The following METAP1 variants were observed in gnomAD, a reference collection of about 807,000 sequenced individuals.
The protein encoded by METAP1 is methionyl aminopeptidase 1, also known as methionine aminopeptidase 1.
In METAP1, 28 loss-of-function variants were observed where a neutral mutation model predicts 53.8. That is an observed-to-expected ratio of 0.52 (90% confidence interval 0.39 to 0.71). The LOEUF is 0.71. Ranked by LOEUF, METAP1 falls within the 30% of genes least tolerant of loss-of-function variation. The pLI is 0.00. For synonymous variants in METAP1, 181 were observed against 165.7 expected (o/e 1.09, Z -0.71); for missense variants, 389 against 479.8 (o/e 0.81, Z 1.77).
At chr4:99,020,114 C>G (rs1018702938) in intron 1 of METAP1, among the ~76,000 whole-genome samples, 1 of 152,108 alleles carries the variant, frequency 6.6e-6, no homozygotes, top group Non-Finnish European at 1.5e-5. Flanking sequence ...GTTCCCAGGC[C>G]CCCATAGCAG....
chr4:99,057,332 A>G (rs1048644790), intron 9 of METAP1, among the ~76,000 whole-genome samples: 3 of 152,370 alleles, frequency 2.0e-5, no homozygotes, highest in East Asian at 1.9e-4. Flanking sequence ...AATTTCTGGC[A>G]TAATCTGAAA....
At chr4:99,005,837 G>C (rs770200947) in intron 1 of METAP1, 1 of 416,644 alleles carries the variant, frequency 2.4e-6, no homozygotes, top group African/African-American at 2.1e-5. Flanking sequence ...CAAGTACCAG[G>C]TCGTCTCGCT....
At chr4:99,039,224 T>A (rs959795223) in intron 4 of METAP1, 150 bp from the exon 5 acceptor site, 73 of 459,798 alleles carry the variant, frequency 1.6e-4, no homozygotes, top group Middle Eastern at 5.5e-4. Context: ...TGTTTTTTTT[T>A]AAAAATCTAA....
intron 1 of METAP1, among the ~76,000 whole-genome samples, chr4:99,000,655 C>CTGT (rs1349388484): frequency 2.6e-4 from 29 of 112,686 alleles, no homozygotes; most frequent in African/African-American, 8.7e-4. Flanking sequence ...GGAAGAAAGT[C>CTGT]TTTTTTTTTT....
At chr4:99,011,814 C>T (rs941207137) in intron 1 of METAP1, among the ~76,000 whole-genome samples, 4 of 152,122 alleles carry the variant, frequency 2.6e-5, no homozygotes, top group Non-Finnish European at 5.9e-5. Context: ...GTGGCATATG[C>T]CTGTAATCCC....
Position 99,041,103 on chromosome 4 carries a change from G to A in METAP1, c.493G>A (p.Glu165Lys), listed in dbSNP as rs771649950. Residue 165 changes from glutamate (E) to lysine (K), a missense_variant, in exon 6 of 11, where the codon GAA becomes AAA. Glu to Lys is a moderately conservative substitution (Grantham distance 56). Transcript: ENST00000296411. ...GMIKPGVTTEEIDHAVHLACI... is the reference protein window; with the variant it reads ...GMIKPGVTTEKIDHAVHLACI... Reference sequence around the variant, plus strand: ...GATTAAACCAGGTGTAACTACTGAAGAAATAGATCACGCTGTACACTTAGT... The same window carrying A: ...GATTAAACCAGGTGTAACTACTGAAAAAATAGATCACGCTGTACACTTAGT... 1 of 1,607,368 alleles carries A rather than the reference G, an allele frequency of 6.2e-7. No individual in the cohort carries two copies. The highest frequency in any genetic ancestry group is 1.1e-5 in the South Asian group (1 of 90,124).
intron 9 of METAP1, 84 bp from the exon 10 acceptor site, chr4:99,057,669 T>C (rs1727250797): frequency 1.0e-6 from 1 of 959,802 alleles, no homozygotes; most frequent in Admixed American, 2.6e-5. Flanking sequence ...GATGGGAATT[T>C]GAGTTATGTA....
chr4:99,045,777 A>G (rs2110386079), intron 8 of METAP1, among the ~76,000 whole-genome samples: 1 of 152,310 alleles, frequency 6.6e-6, no homozygotes, highest in Middle Eastern at 3.4e-3. Context: ...CCTGTGCATT[A>G]ATGCACACAC....
At chr4:99,013,381 A>G (rs1033528173) in intron 1 of METAP1, among the ~76,000 whole-genome samples, 2 of 152,214 alleles carry the variant, frequency 1.3e-5, no homozygotes, top group Non-Finnish European at 2.9e-5. Flanking sequence ...CTAAACAGAA[A>G]AATATTGCCT....
At chr4:99,044,534 G>A (rs546527128) in intron 7 of METAP1, among the ~76,000 whole-genome samples, 3 of 152,262 alleles carry the variant, frequency 2.0e-5, no homozygotes, top group Non-Finnish European at 4.4e-5. Context: ...AGGAATGTAT[G>A]TGTTGTGCTA....
chr4:99,057,982 G>A (rs1182349510), intron 10 of METAP1, among the ~76,000 whole-genome samples, 164 bp downstream of exon 10: 1 of 152,104 alleles, frequency 6.6e-6, no homozygotes, highest in Non-Finnish European at 1.5e-5. Context: ...AAATTGTGAG[G>A]GTTGGCAAGA....
chr4:99,008,830 T>TA (rs1341050050), intron 1 of METAP1, among the ~76,000 whole-genome samples: 1 of 152,228 alleles, frequency 6.6e-6, no homozygotes, highest in East Asian at 1.9e-4. Context: ...TTGCTCTGCA[T>TA]TATATACACC....
chr4:99,044,428 A>G (rs1467364657), intron 7 of METAP1, among the ~76,000 whole-genome samples: 4 of 152,172 alleles, frequency 2.6e-5, no homozygotes, highest in Non-Finnish European at 5.9e-5. Flanking sequence ...TAGTTAGGGT[A>G]TCTGTTCATA....
intron 1 of METAP1, among the ~76,000 whole-genome samples, chr4:99,005,433 A>G (rs1267118660): frequency 2.0e-5 from 3 of 152,258 alleles, no homozygotes; most frequent in Admixed American, 6.5e-5. Flanking sequence ...ACAATGAGAT[A>G]CCACCTTACT....
chr4:99,028,376 A>G (rs936985842), intron 1 of METAP1, among the ~76,000 whole-genome samples: 3 of 152,146 alleles, frequency 2.0e-5, no homozygotes, highest in Non-Finnish European at 2.9e-5. Flanking sequence ...GCTCTGAGCA[A>G]TAGTGGTAAA....
intron 2 of METAP1, among the ~76,000 whole-genome samples, chr4:99,031,327 C>G (rs1329833407): frequency 6.6e-6 from 1 of 152,018 alleles, no homozygotes; most frequent in Non-Finnish European, 1.5e-5. Flanking sequence ...TAATGTATCG[C>G]TGACATATTC....
In METAP1 at chr4:99,061,348, T is replaced by A. The variant is rs779277758; in HGVS notation, c.*31T>A. ...CCCAAGATGGCACATCTCAGTACCTTCTTACTGTGCTATGCATTTTATTGA... is the reference window on the plus strand; with the variant it reads ...CCCAAGATGGCACATCTCAGTACCTACTTACTGTGCTATGCATTTTATTGA... On this transcript the variant is annotated 3_prime_UTR_variant, in exon 11 of 11. Transcript: ENST00000296411. The A allele has an allele frequency of 6.3e-7, 1 of 1,585,954 alleles. No homozygotes were observed. Among genetic ancestry groups the A allele is most frequent in the Non-Finnish European group, 8.6e-7 (1 of 1,160,714 alleles).
intron 5 of METAP1, 83 bp from the exon 6 acceptor site, chr4:99,040,960 A>G (rs948111230): frequency 1.9e-5 from 13 of 690,168 alleles, no homozygotes; most frequent in Non-Finnish European, 2.9e-5. Context: ...ATTTTTACCA[A>G]TCTTCCACAG....
chr4:99,029,592 A>G (rs534097893), intron 2 of METAP1, among the ~76,000 whole-genome samples: 1 of 152,260 alleles, frequency 6.6e-6, no homozygotes, highest in African/African-American at 2.4e-5. Flanking sequence ...TTTCTGTTCT[A>G]TATAGCATTG....
Sources: gnomAD v4.1 joint callset for allele counts (sites outside exome capture counted in the v4.1 genomes callset) on GRCh38, gnomAD v4.1.1 for gene constraint, MANE v1.5 for transcripts, NCBI Gene and HGNC (gene_info 2026-07-23, HGNC 2026-07-21) for gene names.